Variants in SWT1 observed in about 807,000 individuals in gnomAD.
SWT1 encodes the protein SWT1 RNA endoribonuclease homolog.
In SWT1, 33 loss-of-function variants were observed where a neutral mutation model predicts 107.3. That is an observed-to-expected ratio of 0.31 (90% CI 0.23 to 0.41). SWT1 has a LOEUF of 0.41. SWT1 is among the 10% of genes least tolerant of loss of function. SWT1 has a pLI of 1.00. For synonymous variants in SWT1, 345 were observed against 348.3 expected, an observed-to-expected ratio of 0.99 and a Z score of 0.11; for missense variants, 898 against 1,028.9, an observed-to-expected ratio of 0.87 and a Z score of 1.74.
At chr1:185,216,907 G>A (rs953654704) in intron 14 of SWT1, among the ~76,000 whole-genome samples, 6 of 151,038 alleles carry the variant, frequency 4.0e-5, no homozygotes, top group Non-Finnish European at 8.8e-5. Context: ...AGCTGAGATC[G>A]TGCCACTGCA....
intron 16 of SWT1, among the ~76,000 whole-genome samples, chr1:185,252,705 A>G (rs1227665402): frequency 1.3e-5 from 2 of 152,102 alleles, no homozygotes; most frequent in African/African-American, 2.4e-5. Context: ...TGAGTAGGTT[A>G]TGAAAATTTT....
intron 2 of SWT1, among the ~76,000 whole-genome samples, chr1:185,165,165 A>G (rs546655529): frequency 2.6e-5 from 4 of 152,322 alleles, no homozygotes; most frequent in South Asian, 4.1e-4. Context: ...TGCAACATTT[A>G]TCAGTGAAGT....
chr1:185,222,966 T>G (rs1659784186), intron 15 of SWT1, among the ~76,000 whole-genome samples: 1 of 152,190 alleles, frequency 6.6e-6, no homozygotes, highest in Admixed American at 6.5e-5. Flanking sequence ...TGTTCTACTC[T>G]GCCTCTGTGA....
At chr1:185,281,531 A>G (rs1436966643) in intron 18 of SWT1, 5 of 231,760 alleles carry the variant, frequency 2.2e-5, no homozygotes, top group East Asian at 1.4e-4. Context: ...CCATCAGATC[A>G]TCTGCCTGCT....
chr1:185,271,271 G>T (rs547037896), intron 16 of SWT1, 52 bp from the exon 17 acceptor site: 5 of 977,546 alleles, frequency 5.1e-6, no homozygotes, highest in South Asian at 2.7e-5. Flanking sequence ...CAAGGTATTG[G>T]TTTTTTCTGA....
At chr1:185,164,541 G>T (rs1654418456) in intron 2 of SWT1, among the ~76,000 whole-genome samples, 1 of 152,192 alleles carries the variant, frequency 6.6e-6, no homozygotes, top group Non-Finnish European at 1.5e-5. Flanking sequence ...TCTCAACTAG[G>T]TTTTTTGTAT....
chr1:185,231,246 C>G (rs560538143), intron 15 of SWT1, among the ~76,000 whole-genome samples: 1 of 152,126 alleles, frequency 6.6e-6, no homozygotes, highest in Non-Finnish European at 1.5e-5. Flanking sequence ...TTTTCTTCAT[C>G]GTTCTCATCC....
intron 16 of SWT1, among the ~76,000 whole-genome samples, chr1:185,259,700 A>G (rs564227690): frequency 9.9e-5 from 15 of 152,060 alleles, no homozygotes; most frequent in Non-Finnish European, 1.8e-4. Context: ...TTCTACTCTA[A>G]AGCTTTATTT....
chr1:185,171,740 T>C (rs767684829), intron 4 of SWT1: 8 of 441,700 alleles, frequency 1.8e-5, no homozygotes, highest in Non-Finnish European at 2.7e-5. Context: ...AGGGCATTTT[T>C]TTTTTCTGTT....
intron 15 of SWT1, among the ~76,000 whole-genome samples, chr1:185,228,680 G>A (rs1292746502): frequency 2.0e-5 from 3 of 152,086 alleles, no homozygotes; most frequent in Non-Finnish European, 4.4e-5. Flanking sequence ...TATGTCATTT[G>A]ATCATGACGC....
In SWT1 at chr1:185,266,144, A is replaced by C. The variant is rs1000898492; in HGVS notation, c.2442-5179A>C. Among the ~76,000 whole-genome samples, 16 of 152,070 alleles carry C rather than the reference A, an allele frequency of 1.1e-4. 2 individuals carry two copies. Among genetic ancestry groups the C allele is most frequent in the Admixed American group, 4.6e-4 (7 of 15,262 alleles). On this transcript the variant is annotated intron_variant, in intron 16 of 18. Transcript: ENST00000367500. ...AGTGGCGCCATCTTGGCTCACTGCA[A>C]GCTCCGCCTGCCGGGTTCACGCCAT...
chr1:185,216,028 TC>T (rs1409687382), intron 14 of SWT1, among the ~76,000 whole-genome samples: 1 of 152,136 alleles, frequency 6.6e-6, no homozygotes, highest in Admixed American at 6.5e-5. Flanking sequence ...GTCAGATAGG[TC>T]CCCTGCCTAT....
At chr1:185,158,414 G>T (rs533925629) in intron 1 of SWT1, among the ~76,000 whole-genome samples, 7 of 151,524 alleles carry the variant, frequency 4.6e-5, no homozygotes, top group Non-Finnish European at 1.0e-4. Context: ...TTGACTCATG[G>T]CTCAACAGTC....
Position 185,275,687 on chromosome 1 carries a change from A to G in SWT1, c.2509-917A>G, listed in dbSNP as rs77105886. On this transcript the variant is annotated intron_variant, in intron 17 of 18. Coordinates refer to ENST00000367500, the MANE Select transcript of SWT1 (RefSeq NM_017673.7). Reference sequence around the variant, plus strand: ...GGCATGAGCTGTTGCACCTGGCCAAAAAAACTGTATATTTTTAAACTTACA... The same window carrying G: ...GGCATGAGCTGTTGCACCTGGCCAAGAAAACTGTATATTTTTAAACTTACA... Among the ~76,000 whole-genome samples, 76 of 152,072 alleles carry G rather than the reference A, an allele frequency of 5.0e-4. No individual in the cohort carries two copies. The East Asian group carries it at 0.013, about 26-fold the overall frequency.
At chr1:185,270,634 A>G (rs937039730) in intron 16 of SWT1, among the ~76,000 whole-genome samples, 2 of 152,170 alleles carry the variant, frequency 1.3e-5, no homozygotes, top group Non-Finnish European at 2.9e-5. Context: ...GCTTGAGCCC[A>G]GGAGGTTGAA....
At chr1:185,227,926 C>A (rs1357544801) in intron 15 of SWT1, among the ~76,000 whole-genome samples, 3 of 150,432 alleles carry the variant, frequency 2.0e-5, no homozygotes, top group African/African-American at 7.3e-5. Flanking sequence ...TTTGTCTCTA[C>A]AAAAAAAATT....
At chr1:185,232,107 G>T (rs1340146174) in intron 16 of SWT1, among the ~76,000 whole-genome samples, 2 of 152,020 alleles carry the variant, frequency 1.3e-5, no homozygotes, top group Admixed American at 6.6e-5. Flanking sequence ...TGTTAATCTA[G>T]AAGGCATTTT....
intron 18 of SWT1, among the ~76,000 whole-genome samples, chr1:185,283,059 G>A (rs1483208432): frequency 6.6e-6 from 1 of 152,168 alleles, no homozygotes; most frequent in African/African-American, 2.4e-5. Flanking sequence ...GATACATAGA[G>A]TGAGGTTCAG....
chr1:185,197,698 T>A (rs181798482), intron 10 of SWT1, among the ~76,000 whole-genome samples: 2 of 152,322 alleles, frequency 1.3e-5, no homozygotes, highest in African/African-American at 4.8e-5. Flanking sequence ...GGTGTATGTG[T>A]CCAGGAATTT....
Sources: allele counts gnomAD v4.1 joint callset (sites outside exome capture counted in the v4.1 genomes callset), GRCh38; gene constraint gnomAD v4.1.1; transcripts MANE v1.5; gene names NCBI Gene and HGNC (gene_info 2026-07-23, HGNC 2026-07-21).